The following IQSEC1 variants were observed in gnomAD, a reference collection of about 807,000 sequenced individuals.
The protein encoded by IQSEC1 is IQ motif and Sec7 domain ArfGEF 1.
In IQSEC1, 31 loss-of-function variants were observed where a neutral mutation model predicts 91.0. The observed-to-expected ratio is 0.34, with a 90% confidence interval of 0.26 to 0.46. IQSEC1 has a LOEUF of 0.46. IQSEC1 is among the 20% of genes least tolerant of loss of function. The pLI is 1.00. For synonymous variants in IQSEC1, 699 were observed against 662.6 expected (o/e 1.05, Z -0.84); for missense variants, 1,388 against 1,575.6 (o/e 0.88, Z 2.02).
intron 3 of IQSEC1, among the ~76,000 whole-genome samples, chr3:12,929,863 T>C (rs980327726): frequency 2.0e-5 from 3 of 152,200 alleles, no homozygotes; most frequent in African/African-American, 7.2e-5. Flanking sequence ...CCATCCCTGC[T>C]GTGTGCTCCC....
At chr3:13,149,487 T>C (rs1706954806) in intron 2 of IQSEC1, among the ~76,000 whole-genome samples, 1 of 151,952 alleles carries the variant, frequency 6.6e-6, no homozygotes, top group African/African-American at 2.4e-5. Context: ...GAGCAGAGTC[T>C]TGAAGTGCGA....
intron 1 of IQSEC1, among the ~76,000 whole-genome samples, chr3:13,190,794 G>C (rs1021817054): frequency 1.3e-5 from 2 of 152,210 alleles, no homozygotes; most frequent in Admixed American, 1.3e-4. Context: ...TAAGCCGTAA[G>C]TTAAAGGAGA....
rs1694025503 is a variant in IQSEC1 at position 12,899,666 on chromosome 3, G to A, written c.*1317C>T. 1 of 985,316 alleles carries A rather than the reference G, an allele frequency of 1.0e-6. No individual in the cohort carries two copies. The highest frequency in any genetic ancestry group is 1.2e-6 in the Non-Finnish European group (1 of 829,938). The allele number at this position is 985,316 out of a possible 1,614,324, so 61.0% of individuals were successfully genotyped here. ...GACACAGGGGTTCTGCTAGCACATG[G>A]CTACATGGAATTACGGTGATCACTG... On this transcript the variant is annotated 3_prime_UTR_variant, in exon 14 of 14. Coordinates refer to ENST00000613206, the MANE Select transcript of IQSEC1 (RefSeq NM_001134382.3).
intron 1 of IQSEC1, among the ~76,000 whole-genome samples, chr3:13,276,711 C>A (rs9879615): frequency 0.025 from 3,778 of 152,320 alleles, 122 homozygotes; most frequent in African/African-American, 0.079. Context: ...AACCTCAAGG[C>A]AGCAGCCGTT....
At chr3:13,218,570 C>T (rs1052697443) in intron 1 of IQSEC1, among the ~76,000 whole-genome samples, 1 of 152,180 alleles carries the variant, frequency 6.6e-6, no homozygotes, top group African/African-American at 2.4e-5. Context: ...CAACTCATGA[C>T]TGGGGAAAAG....
chr3:13,245,583 A>C (rs559810360), intron 1 of IQSEC1, among the ~76,000 whole-genome samples: 1 of 152,172 alleles, frequency 6.6e-6, no homozygotes, highest in Admixed American at 6.5e-5. Flanking sequence ...CCTGGCCAAC[A>C]TGGCAAAACC....
intron 1 of IQSEC1, among the ~76,000 whole-genome samples, chr3:12,980,717 C>T: frequency 6.6e-6 from 1 of 152,104 alleles, no homozygotes; most frequent in Non-Finnish European, 1.5e-5. Context: ...TCCTCGAGGC[C>T]CTTTCCTCTT....
chr3:13,229,269 C>T lies in IQSEC1; in HGVS notation c.272+53442G>A, dbSNP rs1433516026. On this transcript the variant is annotated intron_variant, in intron 1 of 15. Transcript: ENST00000648114. ...AGTTCTTAGTATGGTGAGGTTCTCT[C>T]ACAACCATGTGCTGTTTTGATGTAC... 6.6e-5 allele frequency among the ~76,000 whole-genome samples: 10 copies of T among 152,228 alleles called. No individual in the cohort carries two copies. In the South Asian group the frequency reaches 1.2e-3, roughly 19 times the overall value.
chr3:13,258,493 G>A (rs186959051), intron 1 of IQSEC1, among the ~76,000 whole-genome samples: 4 of 152,202 alleles, frequency 2.6e-5, no homozygotes, highest in Admixed American at 2.6e-4. Flanking sequence ...ACCAGCCTGG[G>A]CAACATAGTG....
chr3:13,139,797 A>G (rs1706769704), intron 2 of IQSEC1, among the ~76,000 whole-genome samples: 2 of 152,234 alleles, frequency 1.3e-5, no homozygotes, highest in Admixed American at 1.3e-4. Flanking sequence ...ACAAAGCCCC[A>G]GCATCTGCCT....
chr3:12,901,498 T>C lies in IQSEC1; in HGVS notation c.2830A>G (p.Met944Val). The C allele has an allele frequency of 6.5e-7, 1 of 1,549,970 alleles. No individual in the cohort carries two copies. The highest frequency in any genetic ancestry group is 8.7e-7 in the Non-Finnish European group (1 of 1,146,880). ...VEGSIISSPH[M>V]RRRATSTREC... The stretch of plus-strand genomic sequence containing the variant: ...CGTGTTGATGTAGCTCTCCGGCGCA[T>C]GTGAGGACTGCTAATGATGGACCCC... The change falls in exon 14 of 14, where the codon ATG becomes GTG. Residue 944 changes from methionine to valine, a missense_variant. Transcript: ENST00000613206.
chr3:13,123,815 T>C (rs1706464891), intron 2 of IQSEC1, among the ~76,000 whole-genome samples: 1 of 152,254 alleles, frequency 6.6e-6, no homozygotes, highest in Admixed American at 6.5e-5. Context: ...CTCCTGTCAC[T>C]GCTCAGCTGA....
chr3:12,916,238 C>A (rs529559251), intron 6 of IQSEC1, among the ~76,000 whole-genome samples: 1 of 152,302 alleles, frequency 6.6e-6, no homozygotes, highest in African/African-American at 2.4e-5. Context: ...ACACCTTGCC[C>A]ACAGCACAGG....
intron 1 of IQSEC1, among the ~76,000 whole-genome samples, chr3:13,033,248 C>G (rs773135831): frequency 6.6e-6 from 1 of 152,210 alleles, no homozygotes; most frequent in Admixed American, 6.5e-5. Context: ...AGCCCGAGGA[C>G]AGGTCCTCGT....
intron 1 of IQSEC1, among the ~76,000 whole-genome samples, chr3:13,216,867 A>G (rs745509242): frequency 3.2e-4 from 48 of 152,214 alleles, no homozygotes; most frequent in Non-Finnish European, 6.5e-4. Context: ...ACTCCAGAAC[A>G]TATGGACGCT....
intron 1 of IQSEC1, among the ~76,000 whole-genome samples, chr3:13,203,440 T>C (rs1171175530): frequency 1.3e-5 from 2 of 152,172 alleles, no homozygotes; most frequent in African/African-American, 4.8e-5. Context: ...TCTGCCCACA[T>C]GCACAGGACA....
intron 1 of IQSEC1, among the ~76,000 whole-genome samples, chr3:13,278,612 A>T (rs1180032967): frequency 2.6e-5 from 4 of 152,184 alleles, no homozygotes; most frequent in African/African-American, 9.7e-5. Context: ...TGAGGTCAGG[A>T]GTTTCAGAGC....
At chr3:13,013,677 G>A (rs1361450659) in intron 1 of IQSEC1, among the ~76,000 whole-genome samples, 1 of 152,118 alleles carries the variant, frequency 6.6e-6, no homozygotes, top group Non-Finnish European at 1.5e-5. Flanking sequence ...TGCATGCATT[G>A]CGTTAGTCAT....
At chr3:13,044,142 G>C (rs1704400591) in intron 1 of IQSEC1, among the ~76,000 whole-genome samples, 1 of 152,184 alleles carries the variant, frequency 6.6e-6, no homozygotes, top group South Asian at 2.1e-4. Flanking sequence ...CACCTCAGGT[G>C]GCATTTTCTC....
Sources: allele counts gnomAD v4.1 joint callset (sites outside exome capture counted in the v4.1 genomes callset), GRCh38; gene constraint gnomAD v4.1.1; transcripts MANE v1.5; gene names NCBI Gene and HGNC (gene_info 2026-07-23, HGNC 2026-07-21).